The following RMP64 variants were observed in gnomAD, a reference collection of about 807,000 sequenced individuals.
RMP64 encodes nucleolus and neural progenitor protein.
At chr3:113,002,763 G>T in the RMP64 span, 1 of 157,518 alleles carries the variant, frequency 6.3e-6, no homozygotes, top group Admixed American at 6.3e-5. Context: ...CATCCAAGAT[G>T]GAAGTTACTT....
the RMP64 span, chr3:113,017,368 T>C: frequency 1.5e-4 from 173 of 1,164,290 alleles, no homozygotes; most frequent in African/African-American, 2.2e-3. Context: ...GAGATTTCCA[T>C]AAATAGCAAT....
chr3:113,004,108 T>C, the RMP64 span: 4 of 152,238 alleles, frequency 2.6e-5, no homozygotes, highest in Admixed American at 2.6e-4. Context: ...TGGTATTGTC[T>C]GTATTTTAAG....
chr3:113,013,321 C>T, the RMP64 span: 9 of 1,613,908 alleles, frequency 5.6e-6, no homozygotes, highest in Admixed American at 5.0e-5. Context: ...AACTTGCAGG[C>T]TCCCAAAACC....
chr3:113,016,255 C>A, the RMP64 span, among the ~76,000 whole-genome samples: 1 of 152,050 alleles, frequency 6.6e-6, no homozygotes, highest in South Asian at 2.1e-4. Flanking sequence ...AGATGATTAA[C>A]CTGGTTTTAA....
chr3:113,005,088 G>T, the RMP64 span: 4 of 173,820 alleles, frequency 2.3e-5, no homozygotes, highest in South Asian at 5.3e-4. Context: ...GTATTCAGAG[G>T]CGGACCTATG....
the RMP64 span, among the ~76,000 whole-genome samples, chr3:113,016,355 A>G: frequency 6.6e-6 from 1 of 152,308 alleles, no homozygotes; most frequent in African/African-American, 2.4e-5. Context: ...AGGTCTAAGA[A>G]AGGAAAATGG....
At chr3:113,017,816 A>G in the RMP64 span, among the ~76,000 whole-genome samples, 1 of 152,214 alleles carries the variant, frequency 6.6e-6, no homozygotes, top group African/African-American at 2.4e-5. Flanking sequence ...TCATTAAGAG[A>G]ACATCTGTAA....
chr3:113,015,479 G>A, the RMP64 span, among the ~76,000 whole-genome samples: 5 of 152,092 alleles, frequency 3.3e-5, no homozygotes, highest in African/African-American at 4.8e-5. Flanking sequence ...TATTTTACAT[G>A]TCTTCCTATT....
chr3:113,008,515 C>G, the RMP64 span: 1 of 1,204,342 alleles, frequency 8.3e-7, no homozygotes. Context: ...AGCTCACAAT[C>G]AAAATTTAAA....
At chr3:113,011,267 C>T in the RMP64 span, 12 of 1,613,478 alleles carry the variant, frequency 7.4e-6, no homozygotes, top group Non-Finnish European at 1.0e-5. Flanking sequence ...TATGGCTGTC[C>T]TAAAAATTCA....
At chr3:113,019,412 G>A in the RMP64 span, 2 of 699,150 alleles carry the variant, frequency 2.9e-6, no homozygotes, top group South Asian at 1.7e-5. Context: ...CGACCCCTAC[G>A]TGCCCCGCGC....
At chr3:113,011,052 G>C in the RMP64 span, 7 of 1,582,146 alleles carry the variant, frequency 4.4e-6, no homozygotes, top group Admixed American at 1.4e-4. Flanking sequence ...TACCTTTGAA[G>C]ACTCTCTTAT....
chr3:113,018,339 A>G, the RMP64 span, among the ~76,000 whole-genome samples: 22 of 152,296 alleles, frequency 1.4e-4, no homozygotes, highest in Middle Eastern at 3.4e-3. Context: ...TGCCTCGGGG[A>G]TGGGTAGTGA....
At chr3:113,014,069 T>A in the RMP64 span, 1 of 1,297,228 alleles carries the variant, frequency 7.7e-7, no homozygotes, top group African/African-American at 1.5e-5. Flanking sequence ...CATGTGTATG[T>A]AATGCAGACA....
At chr3:113,010,439 C>T in the RMP64 span, 2 of 528,468 alleles carry the variant, frequency 3.8e-6, no homozygotes, top group African/African-American at 3.9e-5. Flanking sequence ...TAAAATATTT[C>T]TGAAGGTACT....
the RMP64 span, chr3:113,008,438 G>T: frequency 6.2e-7 from 1 of 1,600,634 alleles, no homozygotes. Context: ...CTCCTGAAAC[G>T]TGGAAAGATG....
chr3:113,010,378 T>C, the RMP64 span: 6 of 430,140 alleles, frequency 1.4e-5, no homozygotes, highest in Non-Finnish European at 2.1e-5. Context: ...GTACAATCCA[T>C]ACTTAACAAC....
At chr3:113,017,892 GCTGTCA>G in the RMP64 span, among the ~76,000 whole-genome samples, 1 of 152,124 alleles carries the variant, frequency 6.6e-6, no homozygotes, top group Non-Finnish European at 1.5e-5. Flanking sequence ...TGAATACTTT[GCTGTCA>G]GTCATTTGGT....
chr3:113,019,157 A>C, the RMP64 span: 1 of 228,338 alleles, frequency 4.4e-6, no homozygotes, highest in South Asian at 6.2e-5. Flanking sequence ...GGGTACAGGA[A>C]AAAGAAGGAA....
Sources: gnomAD v4.1 joint callset for allele counts (sites outside exome capture counted in the v4.1 genomes callset) on GRCh38, gnomAD v4.1.1 for gene constraint, MANE v1.5 for transcripts, NCBI Gene and HGNC (gene_info 2026-07-23, HGNC 2026-07-21) for gene names.